Variants in RBM20 observed in about 807,000 individuals in gnomAD.
RBM20 encodes RNA binding motif protein 20.
A neutral mutation model predicts 110.1 loss-of-function variants in RBM20; 51 were observed. The ratio of observed to expected loss-of-function variants is 0.46; its 90% CI spans 0.37 to 0.59. RBM20 has a LOEUF of 0.59. RBM20 is among the 20% of genes least tolerant of loss of function. The pLI is 0.00. For synonymous variants in RBM20, 589 were observed against 618.2 expected, an observed-to-expected ratio of 0.95 and a Z score of 0.70; for missense variants, 1,512 against 1,574.9, an observed-to-expected ratio of 0.96 and a Z score of 0.68.
In RBM20 at chr10:110,784,852, C is replaced by G; in HGVS notation, c.1490C>G (p.Ser497Ter). Reference sequence around the variant, plus strand: ...ATTCCAGCAAGGTCATTCACTCAGTCAAGCCCCACATTTCCTTTGGCTTCT... The same window carrying G: ...ATTCCAGCAAGGTCATTCACTCAGTGAAGCCCCACATTTCCTTTGGCTTCT... The part of the protein sequence containing the change: ...VPIPARSFTQ[S>*]SPTFPLASVG... Residue 497 changes from serine (S) to a stop codon, truncating the protein, a stop_gained, in exon 5 of 14, where the codon TCA becomes TGA. Transcript: ENST00000369519. LOFTEE classifies it high-confidence loss of function. 1.3e-6 allele frequency: 2 copies of G among 1,550,746 alleles called. No homozygotes were observed. Among genetic ancestry groups the G allele is most frequent in the Non-Finnish European group, 1.7e-6 (2 of 1,146,082 alleles).
chr10:110,722,472 ATT>A (rs1390430640), intron 1 of RBM20, among the ~76,000 whole-genome samples: 1 of 152,184 alleles, frequency 6.6e-6, no homozygotes, highest in Non-Finnish European at 1.5e-5. Context: ...GGTGTTGTGT[ATT>A]CTGTGGGTTC....
chr10:110,652,453 A>G (rs1328220332), intron 1 of RBM20, among the ~76,000 whole-genome samples: 6 of 152,186 alleles, frequency 3.9e-5, no homozygotes, highest in African/African-American at 1.2e-4. Flanking sequence ...CAATAAAACT[A>G]TTTTTTTCTT....
intron 5 of RBM20, among the ~76,000 whole-genome samples, chr10:110,785,542 C>T (rs775008486): frequency 4.6e-5 from 7 of 152,100 alleles, no homozygotes; most frequent in Non-Finnish European, 1.0e-4. Context: ...GGTGACAGAC[C>T]GGGACTCTGT....
rs1364133719 is a variant in RBM20 at position 110,644,425 on chromosome 10, C to T, written c.-30C>T. On this transcript the variant is annotated 5_prime_UTR_variant, in exon 1 of 14. Coordinates refer to ENST00000369519, the MANE Select transcript of RBM20 (RefSeq NM_001134363.3). This position sits in a 1 kb window ranked among gnomAD's most constrained non-coding sequence, Gnocchi z 4.3. ...GGACCGCCCCTCCCTTGAGCTCTCT[C>T]GCCGCGATCCCGGGCGGGTCTCGCC... 2.8e-6 allele frequency: 4 copies of T among 1,442,756 alleles called. No individual in the cohort carries two copies. In the African/African-American group the frequency reaches 4.5e-5, roughly 16 times the overall value. The allele number at this position is 1,442,756 out of a possible 1,614,324, so 89.4% of individuals were successfully genotyped here.
intron 1 of RBM20, among the ~76,000 whole-genome samples, chr10:110,693,431 T>C (rs948181937): frequency 6.6e-6 from 1 of 152,222 alleles, no homozygotes; most frequent in African/African-American, 2.4e-5. Context: ...ACTGATTCAA[T>C]CTCCTTATTT....
In RBM20 at chr10:110,716,211, C is replaced by A. The variant is rs772361885; in HGVS notation, c.192-64590C>A. Among the ~76,000 whole-genome samples, 152 of 152,146 alleles carry A rather than the reference C, an allele frequency of 1.0e-3. 1 individual carries two copies. The highest frequency in any genetic ancestry group is 1.7e-3 in the Non-Finnish European group (118 of 68,040). ...TAATGAGGAGGTAGAATGGTAGGTGCGTAATTAGGGGCAGAAGCAGTCCCC... is the reference window on the plus strand; with the variant it reads ...TAATGAGGAGGTAGAATGGTAGGTGAGTAATTAGGGGCAGAAGCAGTCCCC... On this transcript the variant is annotated intron_variant, in intron 1 of 13. Transcript: ENST00000369519.
At chr10:110,683,337 C>G (rs1398440272) in intron 1 of RBM20, among the ~76,000 whole-genome samples, 1 of 152,210 alleles carries the variant, frequency 6.6e-6, no homozygotes, top group African/African-American at 2.4e-5. Flanking sequence ...CAATCTACAA[C>G]ACAGCTGGTG....
chr10:110,832,767 A>G (rs971445108), intron 13 of RBM20, among the ~76,000 whole-genome samples: 1 of 152,180 alleles, frequency 6.6e-6, no homozygotes, highest in Non-Finnish European at 1.5e-5. Flanking sequence ...GAGAAGTATC[A>G]TAGGCTATGC....
chr10:110,766,322 T>TTTG (rs1341519211), intron 1 of RBM20, among the ~76,000 whole-genome samples: 29 of 152,034 alleles, frequency 1.9e-4, no homozygotes, highest in Middle Eastern at 3.4e-3. Flanking sequence ...TGTTTTTTTT[T>TTTG]TTGTTTTTTG....
At chr10:110,761,097 C>CAAAAAAAA (rs201013581) in intron 1 of RBM20, 1 of 76,674 alleles carries the variant, frequency 1.3e-5, no homozygotes, top group Non-Finnish European at 2.4e-5. Flanking sequence ...GACTCCATCT[C>CAAAAAAAA]AAAAAAAAAA....
chr10:110,709,284 G>A (rs779731786), intron 1 of RBM20, among the ~76,000 whole-genome samples: 4 of 152,092 alleles, frequency 2.6e-5, no homozygotes, highest in Non-Finnish European at 5.9e-5. Flanking sequence ...TGCTGGGATC[G>A]GGAGTCAAAG....
At chr10:110,817,254 G>T (rs1201930893) in intron 9 of RBM20, among the ~76,000 whole-genome samples, 1 of 152,194 alleles carries the variant, frequency 6.6e-6, no homozygotes, top group Non-Finnish European at 1.5e-5. Flanking sequence ...CAGCTGCCAT[G>T]CAGGAACGCA....
chr10:110,780,720 G>T, intron 1 of RBM20, 81 bp from the exon 2 acceptor site: 1 of 1,425,796 alleles, frequency 7.0e-7, no homozygotes, highest in South Asian at 1.5e-5. Flanking sequence ...TGTGGGAGGG[G>T]GGACCACAGA....
intron 1 of RBM20, among the ~76,000 whole-genome samples, chr10:110,731,991 C>T (rs1296934758): frequency 1.3e-5 from 2 of 152,216 alleles, no homozygotes; most frequent in African/African-American, 4.8e-5. Context: ...GCACCTTCAG[C>T]ACCTCTAGAG....
At chr10:110,814,949 A>G (rs1007605173) in intron 9 of RBM20, among the ~76,000 whole-genome samples, 2 of 152,230 alleles carry the variant, frequency 1.3e-5, no homozygotes, top group African/African-American at 4.8e-5. Context: ...TATATAATGA[A>G]TACATGTCAA....
In RBM20 at chr10:110,722,174, T is replaced by A. The variant is rs144021003; in HGVS notation, c.192-58627T>A. On this transcript the variant is annotated intron_variant, in intron 1 of 13. Coordinates refer to ENST00000369519, the MANE Select transcript of RBM20 (RefSeq NM_001134363.3). ...TGCTGTCAGTGTTTAATTATGGTTG[T>A]CAGGCAAGATGATTTGAAATGATTA... Among the ~76,000 whole-genome samples the A allele has an allele frequency of 9.4e-3, 1,430 of 152,304 alleles. 66 individuals are homozygous for A. Among genetic ancestry groups the A allele is most frequent in the Admixed American group, 0.074 (1,137 of 15,298 alleles).
At chr10:110,742,479 C>A (rs536603310) in intron 1 of RBM20, among the ~76,000 whole-genome samples, 30 of 152,302 alleles carry the variant, frequency 2.0e-4, no homozygotes, top group African/African-American at 7.0e-4. Flanking sequence ...ACCCCTGGAC[C>A]TTGGTCTTGA....
chr10:110,692,352 A>G (rs541660481), intron 1 of RBM20, among the ~76,000 whole-genome samples: 2 of 152,280 alleles, frequency 1.3e-5, no homozygotes, highest in East Asian at 3.9e-4. Flanking sequence ...TTTGTAGGTC[A>G]CTTACAATAT....
chr10:110,674,776 G>T (rs1371065743), intron 1 of RBM20, among the ~76,000 whole-genome samples: 1 of 152,160 alleles, frequency 6.6e-6, no homozygotes, highest in African/African-American at 2.4e-5. Flanking sequence ...ATTTCATTCT[G>T]CACTCTTGAC....
Sources: gnomAD v4.1 joint callset for allele counts (sites outside exome capture counted in the v4.1 genomes callset) on GRCh38, gnomAD v4.1.1 for gene constraint, Gnocchi (gnomAD v3.1) non-coding constraint, MANE v1.5 for transcripts, NCBI Gene and HGNC (gene_info 2026-07-23, HGNC 2026-07-21) for gene names.